RBFOX1: variants seen among roughly 807,000 people sequenced by gnomAD.
The protein encoded by RBFOX1 is RNA binding fox-1 homolog 1, also known as RNA binding protein fox-1 homolog 1.
RBFOX1 carries 8 observed loss-of-function variants against 57.7 expected under a neutral mutation model. The observed-to-expected ratio is 0.14, with a 90% CI of 0.08 to 0.25. RBFOX1 has a LOEUF of 0.25. Among genes scored for constraint, RBFOX1 ranks in the 10% least tolerant of loss-of-function variants. The pLI is 1.00. For missense variants in RBFOX1, 611 were observed against 548.5 expected (o/e 1.11, Z -1.14); for synonymous variants, 326 against 222.4 (o/e 1.47, Z -4.15).
chr16:5,365,395 C>A (rs1371227152), intron 1 of RBFOX1, among the ~76,000 whole-genome samples: 1 of 152,196 alleles, frequency 6.6e-6, no homozygotes, highest in Non-Finnish European at 1.5e-5. Context: ...CGGCTAGGCA[C>A]AGTGTCTCAC....
intron 2 of RBFOX1, among the ~76,000 whole-genome samples, chr16:5,573,798 C>A (rs765964557): frequency 3.0e-4 from 46 of 151,930 alleles, no homozygotes; most frequent in Non-Finnish European, 5.9e-4. Flanking sequence ...ATCATATCTA[C>A]AAAAAATAGG....
rs368599970 is a variant in RBFOX1, at chr16:7,711,648, G to A, written c.*903G>A. 6.6e-6 allele frequency: 1 copy of A among 151,938 alleles called. No homozygotes were observed. Among genetic ancestry groups the A allele is most frequent in the Non-Finnish European group, 1.5e-5 (1 of 67,870 alleles). The allele number at this position is 151,938 out of a possible 1,614,324, so 9.4% of individuals were successfully genotyped here. ...AAAGTAATAAAAACTTAAATTCTTT[G>A]TACCAGTTAAAAAAAATGTATAAAA... On this transcript the variant is annotated 3_prime_UTR_variant, in exon 16 of 16. Coordinates refer to ENST00000550418, the MANE Select transcript of RBFOX1 (RefSeq NM_018723.4).
At chr16:6,940,757 C>G (rs1246573608) in intron 3 of RBFOX1, among the ~76,000 whole-genome samples, 12 of 138,532 alleles carry the variant, frequency 8.7e-5, no homozygotes, top group Non-Finnish European at 1.8e-4. Flanking sequence ...GCCACCATGT[C>G]CCGCTAGTGT....
At chr16:5,588,816 A>C (rs1160699592) in intron 2 of RBFOX1, among the ~76,000 whole-genome samples, 1 of 152,228 alleles carries the variant, frequency 6.6e-6, no homozygotes. Context: ...ATCTGAGTTC[A>C]GGCATTAGCA....
chr16:6,211,700 T>C (rs2097299142), intron 1 of RBFOX1, among the ~76,000 whole-genome samples: 1 of 152,146 alleles, frequency 6.6e-6, no homozygotes, highest in Admixed American at 6.5e-5. Context: ...GAGTTTAGGA[T>C]AGCTATTAAA....
rs559565710 is a variant in RBFOX1 at position 6,755,872 on chromosome 16, T to G, written c.-16+101222T>G. On this transcript the variant is annotated intron_variant, in intron 3 of 15. Coordinates refer to ENST00000550418, the MANE Select transcript of RBFOX1 (RefSeq NM_018723.4). ...GCTGCCAAAAGGTGAAATTGACTTT[T>G]TGAGAATGTATTGCTGAAAACTGCA... Among the ~76,000 whole-genome samples the G allele has an allele frequency of 1.5e-4, 23 of 152,266 alleles. 1 individual carries two copies. The South Asian group carries it at 4.8e-3, about 32-fold the overall frequency.
intron 1 of RBFOX1, among the ~76,000 whole-genome samples, chr16:5,461,595 C>T (rs990063405): frequency 1.3e-5 from 2 of 152,196 alleles, no homozygotes; most frequent in African/African-American, 4.8e-5. Context: ...CTGCCTTAAT[C>T]CTTGCCTGTC....
intron 3 of RBFOX1, among the ~76,000 whole-genome samples, chr16:6,892,261 T>C (rs979056587): frequency 1.3e-5 from 2 of 152,130 alleles, no homozygotes; most frequent in African/African-American, 4.8e-5. Flanking sequence ...AGTAACACTT[T>C]GTAACGAATG....
chr16:7,068,744 C>A (rs1226984424), intron 4 of RBFOX1, among the ~76,000 whole-genome samples: 1 of 152,156 alleles, frequency 6.6e-6, no homozygotes, highest in South Asian at 2.1e-4. Flanking sequence ...CCTGCCACCA[C>A]ACCCAGCTAA....
intron 1 of RBFOX1, among the ~76,000 whole-genome samples, chr16:6,276,683 C>T (rs2075835883): frequency 6.6e-6 from 1 of 152,074 alleles, no homozygotes; most frequent in African/African-American, 2.4e-5. Flanking sequence ...TTATCCCACA[C>T]ATTGACTGGT....
intron 4 of RBFOX1, among the ~76,000 whole-genome samples, chr16:7,469,903 G>T (rs1193966163): frequency 6.6e-6 from 1 of 152,036 alleles, no homozygotes; most frequent in Admixed American, 6.6e-5. Context: ...ACTACGCTAA[G>T]TACCTCATAT....
intron 3 of RBFOX1, among the ~76,000 whole-genome samples, chr16:5,774,160 T>G (rs1372518836): frequency 6.6e-6 from 1 of 152,184 alleles, no homozygotes; most frequent in Non-Finnish European, 1.5e-5. Context: ...AGGAGTGGGT[T>G]TATCCCCATC....
chr16:7,120,566 C>T (rs954507740), intron 4 of RBFOX1, among the ~76,000 whole-genome samples: 1 of 151,342 alleles, frequency 6.6e-6, no homozygotes, highest in African/African-American at 2.4e-5. Context: ...CAACCATTAC[C>T]AAAACTTATT....
At chr16:6,679,878 G>GGTTTTTTTTTTTTTT (rs1487919870) in intron 3 of RBFOX1, among the ~76,000 whole-genome samples, 3 of 114,304 alleles carry the variant, frequency 2.6e-5, no homozygotes, top group African/African-American at 1.2e-4. Flanking sequence ...GTTTCTACTT[G>GGTTTTTTTTTTTTTT]TTTTTTTTTT....
At chr16:7,362,345 ATG>A (rs747683423) in intron 4 of RBFOX1, among the ~76,000 whole-genome samples, 5 of 144,124 alleles carry the variant, frequency 3.5e-5, no homozygotes, top group Non-Finnish European at 6.1e-5. Context: ...ATGTTAGTGT[ATG>A]TGTGTTTGTG....
chr16:5,244,925 G>A (rs547468334), intron 1 of RBFOX1, among the ~76,000 whole-genome samples: 192 of 152,350 alleles, frequency 1.3e-3, no homozygotes, highest in African/African-American at 4.4e-3. Flanking sequence ...TGGGGGCTGT[G>A]TTGCCCTGGG....
chr16:5,818,530 G>A (rs1018722498), intron 3 of RBFOX1, among the ~76,000 whole-genome samples: 3 of 152,118 alleles, frequency 2.0e-5, no homozygotes, highest in African/African-American at 4.8e-5. Context: ...AATCCGTCTC[G>A]GAAGACACAA....
At position 6,819,733 on chromosome 16, in the gene RBFOX1, AAC is replaced by A. The variant is rs1314781134; in HGVS notation, c.-16+165085_-16+165086del. ...AAAAAAAAAAAAAAAAAAAAAAAAT[AAC>A]AACACCAAAAGGTATATAGTATAAC... On this transcript the variant is annotated intron_variant, in intron 3 of 15. Transcript: ENST00000550418. Among the ~76,000 whole-genome samples, 129 of 77,326 alleles carry A rather than the reference AAC, an allele frequency of 1.7e-3. 21 individuals carry two copies. Among genetic ancestry groups the A allele is most frequent in the African/African-American group, 3.4e-3 (71 of 20,896 alleles). 50.7% of individuals were successfully genotyped at this position (77,326 alleles called of 152,430 possible). A position where few individuals can be genotyped will look rare whatever the true frequency, so the allele number is the denominator to read the frequency against.
At chr16:6,681,084 G>A (rs1340247115) in intron 3 of RBFOX1, among the ~76,000 whole-genome samples, 2 of 152,162 alleles carry the variant, frequency 1.3e-5, no homozygotes, top group Non-Finnish European at 2.9e-5. Context: ...GCTGAGGTGG[G>A]TGGATCATTT....
Sources: gnomAD v4.1 joint callset for allele counts (sites outside exome capture counted in the v4.1 genomes callset) on GRCh38, gnomAD v4.1.1 for gene constraint, MANE v1.5 for transcripts, NCBI Gene and HGNC (gene_info 2026-07-23, HGNC 2026-07-21) for gene names.